DCAF4: variants seen among roughly 807,000 people sequenced by gnomAD.
The protein encoded by DCAF4 is DDB1- and CUL4-associated factor 4.
A neutral mutation model predicts 60.9 loss-of-function variants in DCAF4; 37 were observed. That is an observed-to-expected ratio of 0.61 (90% CI 0.47 to 0.80). The LOEUF (loss-of-function observed/expected upper bound fraction) is 0.80. Ranked by LOEUF, DCAF4 falls within the 30% of genes least tolerant of loss-of-function variation. The probability of loss-of-function intolerance (pLI) is 0.00; values close to 1 mark genes in which losing one functional copy is unlikely to be tolerated. For missense variants in DCAF4, 577 were observed against 650.0 expected, an observed-to-expected ratio of 0.89 and a Z score of 1.22; for synonymous variants, 243 against 254.8, an observed-to-expected ratio of 0.95 and a Z score of 0.44.
chr14:72,961,420 C>A (rs1025562575), downstream of DCAF4, among the ~76,000 whole-genome samples: 1 of 152,234 alleles, frequency 6.6e-6, no homozygotes. Context: ...CCCAACTCCA[C>A]CATCCTGGGC....
At chr14:72,952,345 C>A (rs999041239) in intron 9 of DCAF4, among the ~76,000 whole-genome samples, 6 of 152,170 alleles carry the variant, frequency 3.9e-5, no homozygotes, top group African/African-American at 1.4e-4. Context: ...TCAGGCAGAC[C>A]TGGCACGAAT....
At chr14:72,951,659 T>C (rs948725766) in intron 8 of DCAF4, 139 bp from the exon 9 acceptor site, 4 of 724,520 alleles carry the variant, frequency 5.5e-6, no homozygotes, top group Middle Eastern at 5.3e-4. Context: ...ATGTGGGCAG[T>C]GTAAACGCAT....
At chr14:72,952,882 A>G (rs1042088294) in intron 9 of DCAF4, among the ~76,000 whole-genome samples, 1 of 148,524 alleles carries the variant, frequency 6.7e-6, no homozygotes, top group African/African-American at 2.5e-5. Context: ...TTTAGTAGAG[A>G]CGGGATTTCA....
In DCAF4 at chr14:72,952,548, GCAGA is replaced by G. The variant is rs1891547243; in HGVS notation, c.808+675_808+678del. Among the ~76,000 whole-genome samples, 3 of 152,304 alleles carry G rather than the reference GCAGA, an allele frequency of 2.0e-5. No individual in the cohort carries two copies. The South Asian group carries it at 6.2e-4, about 32-fold the overall frequency. On this transcript the variant is annotated intron_variant, in intron 9 of 13. Transcript: ENST00000358377. Reference sequence around the variant, plus strand: ...CCATTTTACAGATAAGGAAACTGAGGCAGACAGTTTCAGAATTTGTCTTACAAAA... The same window carrying G: ...CCATTTTACAGATAAGGAAACTGAGGCAGTTTCAGAATTTGTCTTACAAAA...
chr14:72,960,008 A>G (rs1294987748), downstream of DCAF4, among the ~76,000 whole-genome samples: 1 of 151,672 alleles, frequency 6.6e-6, no homozygotes, highest in Admixed American at 6.6e-5. Flanking sequence ...GGTTCCAGCA[A>G]CTCTTCATTT....
chr14:72,955,996 T>C (rs968112118), intron 12 of DCAF4, among the ~76,000 whole-genome samples: 34 of 143,530 alleles, frequency 2.4e-4, no homozygotes, highest in Admixed American at 7.5e-5. Context: ...TATCTTGGCT[T>C]ACTGCAACCT....
intron 1 of DCAF4, chr14:72,929,670 C>T (rs1044031978): frequency 1.3e-5 from 17 of 1,351,834 alleles, no homozygotes; most frequent in Admixed American, 1.1e-4. Context: ...CAGCTCCTCC[C>T]GCTTCCTCTT....
intron 1 of DCAF4, among the ~76,000 whole-genome samples, chr14:72,928,583 C>CT: frequency 3.1e-5 from 1 of 31,984 alleles, no homozygotes; most frequent in African/African-American, 1.0e-4. Flanking sequence ...AGTAAACATC[C>CT]TTTATATATA....
intron 4 of DCAF4, among the ~76,000 whole-genome samples, chr14:72,941,452 T>C (rs1009862425): frequency 1.3e-5 from 2 of 152,156 alleles, no homozygotes; most frequent in Admixed American, 6.6e-5. Flanking sequence ...CTGTTTGCAG[T>C]CCCATTGCTG....
At chr14:72,961,959 G>A (rs1008195086), downstream of DCAF4, 113 of 1,141,834 alleles carry the variant, frequency 9.9e-5, no homozygotes, top group African/African-American at 5.0e-5. Context: ...GTCGGAGCAC[G>A]TCTGTCTTTG....
chr14:72,931,387 A>G lies in DCAF4; in HGVS notation c.-9+4844A>G, dbSNP rs1440351369. On this transcript the variant is annotated intron_variant, in intron 1 of 13. Coordinates refer to ENST00000358377, the MANE Select transcript of DCAF4 (RefSeq NM_015604.4). ...GGCTGTTCATTGCCTGAACCAGTGT[A>G]TAGAAATACAACTGGTTTTTCTATA... Among the ~76,000 whole-genome samples, 4 of 150,140 alleles carry G rather than the reference A, an allele frequency of 2.7e-5. No individual in the cohort carries two copies. In the East Asian group the frequency reaches 7.9e-4, roughly 30 times the overall value.
chr14:72,949,631 C>T (rs967362674), intron 8 of DCAF4, among the ~76,000 whole-genome samples: 8 of 151,970 alleles, frequency 5.3e-5, no homozygotes, highest in South Asian at 4.1e-4. Flanking sequence ...GGCACGCACC[C>T]GTAATCCCAG....
intron 4 of DCAF4, 24 bp downstream of exon 4, chr14:72,940,401 CCT>C (rs748756541): frequency 7.6e-6 from 12 of 1,588,752 alleles, no homozygotes; most frequent in East Asian, 2.2e-5. Context: ...CCCTTCGCCC[CCT>C]GTCCTCTCCG....
chr14:72,939,919 G>T lies in DCAF4; in HGVS notation c.193+17G>T. 6.3e-7 allele frequency: 1 copy of T among 1,586,374 alleles called. No individual in the cohort carries two copies. The highest frequency in any genetic ancestry group is 8.6e-7 in the Non-Finnish European group (1 of 1,166,328). On this transcript the variant is annotated intron_variant, in intron 3 of 13. Transcript: ENST00000358377. ...CTGTGCCAGGTAAGGCCACTTGCGG[G>T]GTGGGAATCCTGGCCCTTGCACACA...
chr14:72,938,068 C>G lies in DCAF4; in HGVS notation c.90C>G (p.Asp30Glu), dbSNP rs1238573589. 1.2e-6 allele frequency: 2 copies of G among 1,603,718 alleles called. No individual in the cohort carries two copies. The highest frequency in any genetic ancestry group is 3.5e-5 in the Admixed American group (2 of 56,776). Residue 30 changes from aspartate (D) to glutamate (E), a missense_variant and splice_region_variant, in exon 2 of 14, where the codon GAC becomes GAG. Asp to Glu is a conservative substitution (Grantham distance 45). Transcript: ENST00000358377. ...GGTTCAGACTCCGTGATTCTGAAGA[C>G]AGGCAAGTGTGCCGCTCTGGGGAGC... The part of the protein sequence containing the change: ...NPWFRLRDSE[D>E]RSDSRAAQPA...
downstream of DCAF4, among the ~76,000 whole-genome samples, chr14:72,960,205 G>A (rs1892759292): frequency 6.7e-6 from 1 of 150,286 alleles, no homozygotes; most frequent in Non-Finnish European, 1.5e-5. Context: ...TGCCCAGGCT[G>A]GAGTGCAATG....
intron 1 of DCAF4, among the ~76,000 whole-genome samples, chr14:72,931,814 A>G (rs1888611286): frequency 1.3e-5 from 2 of 152,060 alleles, no homozygotes; most frequent in Admixed American, 6.6e-5. Flanking sequence ...ATCTATTAGT[A>G]TGGTATATTG....
At position 72,936,122 on chromosome 14, in the gene DCAF4, C is replaced by T. The variant is rs191886119; in HGVS notation, c.-8-1849C>T. Reference sequence around the variant, plus strand: ...CCAGTCTTAACACTGGCCACACGTGCTTCCCTTCCTGTGCGCAGTCCCTTT... The same window carrying T: ...CCAGTCTTAACACTGGCCACACGTGTTTCCCTTCCTGTGCGCAGTCCCTTT... On this transcript the variant is annotated intron_variant, in intron 1 of 13. Transcript: ENST00000358377. Among the ~76,000 whole-genome samples, 3 of 152,294 alleles carry T rather than the reference C, an allele frequency of 2.0e-5. No individual in the cohort carries two copies. In the East Asian group the frequency reaches 5.8e-4, roughly 29 times the overall value.
chr14:72,945,362 CAG>C (rs1391656789), intron 6 of DCAF4, among the ~76,000 whole-genome samples: 2 of 151,994 alleles, frequency 1.3e-5, no homozygotes, highest in Non-Finnish European at 2.9e-5. Flanking sequence ...TACTGCACTC[CAG>C]CCTGGGTGAC....
Sources: gnomAD v4.1 joint callset for allele counts (sites outside exome capture counted in the v4.1 genomes callset) on GRCh38, gnomAD v4.1.1 for gene constraint, MANE v1.5 for transcripts, NCBI Gene and HGNC (gene_info 2026-07-23, HGNC 2026-07-21) for gene names.